The following C10orf67 variants were observed in gnomAD, a reference collection of about 807,000 sequenced individuals.
C10orf67 encodes uncharacterized protein C10orf67, mitochondrial.
A neutral mutation model predicts 35.6 loss-of-function variants in C10orf67; 60 were observed. The observed-to-expected ratio is 1.68, with a 90% confidence interval of 1.37 to 2.09. The LOEUF (loss-of-function observed/expected upper bound fraction) is 2.09. C10orf67 is among the 30% of genes most tolerant of loss of function. The probability of loss-of-function intolerance (pLI) is 0.00; values close to 1 mark genes in which losing one functional copy is unlikely to be tolerated. For missense variants in C10orf67, 474 were observed against 330.2 expected, an observed-to-expected ratio of 1.44 and a Z score of -3.38; for synonymous variants, 167 against 115.8, an observed-to-expected ratio of 1.44 and a Z score of -2.84.
At chr10:23,207,661 C>T (rs1841194372) in intron 15 of C10orf67, among the ~76,000 whole-genome samples, 1 of 152,208 alleles carries the variant, frequency 6.6e-6, no homozygotes, top group Admixed American at 6.5e-5. Context: ...CAGTTGACCA[C>T]AGCTAGCATG....
intron 8 of C10orf67, among the ~76,000 whole-genome samples, chr10:23,273,649 T>C (rs1444791338): frequency 1.3e-5 from 2 of 152,138 alleles, no homozygotes; most frequent in African/African-American, 4.8e-5. Flanking sequence ...ACACAGCCAA[T>C]GTTCCATTGT....
At chr10:23,327,762 T>C (rs1298108642) in intron 2 of C10orf67, among the ~76,000 whole-genome samples, 4 of 150,606 alleles carry the variant, frequency 2.7e-5, no homozygotes, top group African/African-American at 9.8e-5. Context: ...GAGGTGGAGG[T>C]TGCAGTGAGA....
At position 23,295,469 on chromosome 10, in the gene C10orf67, G is replaced by A. The variant is rs967580473; in HGVS notation, c.703-4190C>T. Among the ~76,000 whole-genome samples the A allele has an allele frequency of 7.2e-5, 11 of 152,314 alleles. No homozygotes were observed. The East Asian group carries it at 1.2e-3, about 16-fold the overall frequency. On this transcript the variant is annotated intron_variant, in intron 5 of 15. Transcript: ENST00000636213. ...TTGGTACATTTTATGGAACATAAAC[G>A]GATGGCCATAAGGATTTGTGCATTT...
chr10:23,266,554 T>C (rs1206679439), intron 9 of C10orf67, 128 bp from the exon 10 acceptor site: 2 of 396,028 alleles, frequency 5.1e-6, no homozygotes, highest in African/African-American at 4.1e-5. Context: ...CTAGAGCGCA[T>C]GGATTTGTTC....
intron 4 of C10orf67, among the ~76,000 whole-genome samples, chr10:23,306,056 T>C (rs1157165864): frequency 1.3e-5 from 2 of 152,008 alleles, no homozygotes; most frequent in Admixed American, 6.6e-5. Context: ...TATATATTAA[T>C]ACAATAGAAT....
intron 4 of C10orf67, among the ~76,000 whole-genome samples, chr10:23,306,850 A>G (rs142704467): frequency 3.3e-5 from 5 of 152,308 alleles, no homozygotes. Context: ...TTGAATATAT[A>G]CAATTTATAT....
chr10:23,204,706 A>G (rs949551654), intron 15 of C10orf67, among the ~76,000 whole-genome samples: 4 of 152,226 alleles, frequency 2.6e-5, no homozygotes, highest in Non-Finnish European at 4.4e-5. Flanking sequence ...GAAATAGAAA[A>G]TTATGAATGA....
chr10:23,304,084 G>A (rs376870278), intron 4 of C10orf67, among the ~76,000 whole-genome samples: 14 of 152,226 alleles, frequency 9.2e-5, no homozygotes, highest in African/African-American at 2.9e-4. Context: ...AGTCTCAGCT[G>A]TGGATCCTGA....
At chr10:23,209,548 A>G (rs903511315) in intron 15 of C10orf67, among the ~76,000 whole-genome samples, 21 of 152,218 alleles carry the variant, frequency 1.4e-4, no homozygotes, top group Admixed American at 1.4e-3. Context: ...TTCTCATCAT[A>G]AAAGGAGGAG....
At chr10:23,299,283 T>G (rs1241967871) in intron 5 of C10orf67, among the ~76,000 whole-genome samples, 1 of 152,140 alleles carries the variant, frequency 6.6e-6, no homozygotes, top group Non-Finnish European at 1.5e-5. Context: ...GTCCTTAATC[T>G]TTTGGAGTCC....
intron 1 of C10orf67, among the ~76,000 whole-genome samples, chr10:23,342,683 G>T (rs181100454): frequency 2.0e-5 from 3 of 152,276 alleles, no homozygotes; most frequent in Middle Eastern, 3.4e-3. Context: ...TGTTTATCAC[G>T]TGCTGCCTCT....
rs985270192 is a variant in C10orf67, at chr10:23,203,209, G to A, written c.*964C>T. On this transcript the variant is annotated 3_prime_UTR_variant, in exon 16 of 16. Coordinates refer to ENST00000636213, the MANE Select transcript of C10orf67 (RefSeq NM_001371909.1). ...AGGGCAACACTCCTTTGGAGACAGCGGCATATAGTGCATAGTAGATGAAGC... is the reference window on the plus strand; with the variant it reads ...AGGGCAACACTCCTTTGGAGACAGCAGCATATAGTGCATAGTAGATGAAGC... 3 of 152,188 alleles carry A rather than the reference G, an allele frequency of 2.0e-5. No individual in the cohort carries two copies. The highest frequency in any genetic ancestry group is 6.5e-5 in the Admixed American group (1 of 15,278). The allele number at this position is 152,188 out of a possible 1,614,324, so 9.4% of individuals were successfully genotyped here.
intron 5 of C10orf67, among the ~76,000 whole-genome samples, chr10:23,293,059 A>G (rs953050059): frequency 3.2e-4 from 49 of 152,212 alleles, no homozygotes; most frequent in African/African-American, 9.6e-4. Context: ...AGGCTTAAGC[A>G]TACTTTTCCT....
At position 23,249,579 on chromosome 10, in the gene C10orf67, G is replaced by C. The variant is rs553542586; in HGVS notation, c.1346+876C>G. 2.3e-4 allele frequency among the ~76,000 whole-genome samples: 35 copies of C among 152,268 alleles called. 1 individual carries two copies. In the South Asian group the frequency reaches 6.0e-3, roughly 26 times the overall value. ...CTTGGCATGGATTCTTTGTGCCACCGCACTTAGGATGAATTATTTCCATAG... is the reference window on the plus strand; with the variant it reads ...CTTGGCATGGATTCTTTGTGCCACCCCACTTAGGATGAATTATTTCCATAG... On this transcript the variant is annotated intron_variant, in intron 12 of 15. Transcript: ENST00000636213.
chr10:23,272,417 T>C lies in C10orf67; in HGVS notation c.976-5163A>G, dbSNP rs895597201. 2.0e-5 allele frequency among the ~76,000 whole-genome samples: 3 copies of C among 152,238 alleles called. No individual in the cohort carries two copies. In the East Asian group the frequency reaches 5.8e-4, roughly 29 times the overall value. On this transcript the variant is annotated intron_variant, in intron 8 of 15. Transcript: ENST00000636213. ...TCATTTTTCACTTATTGCTGTCCAA[T>C]TGTTTCAGTACTATTTGTTGAAAAG...
chr10:23,249,151 A>G (rs912159920), intron 12 of C10orf67, among the ~76,000 whole-genome samples: 1 of 149,948 alleles, frequency 6.7e-6, no homozygotes, highest in African/African-American at 2.4e-5. Context: ...AAAAAAAAAA[A>G]AAAAAAAAAG....
chr10:23,231,114 A>AT (rs991494855), intron 13 of C10orf67, among the ~76,000 whole-genome samples: 13 of 150,986 alleles, frequency 8.6e-5, no homozygotes, highest in African/African-American at 1.2e-4. Context: ...TGCCCAGCTG[A>AT]TTTTTTTTTC....
At chr10:23,232,933 G>A (rs1841950591) in intron 13 of C10orf67, among the ~76,000 whole-genome samples, 2 of 152,108 alleles carry the variant, frequency 1.3e-5, no homozygotes, top group South Asian at 4.1e-4. Context: ...GAGGCGGGAG[G>A]ATCACTTGAG....
intron 12 of C10orf67, among the ~76,000 whole-genome samples, chr10:23,241,895 G>GA (rs141870217): frequency 0.033 from 4,963 of 149,604 alleles, 254 homozygotes; most frequent in African/African-American, 0.11. Flanking sequence ...ACCTAGACAT[G>GA]AAAAAAAAGC....
Sources: allele counts gnomAD v4.1 joint callset (sites outside exome capture counted in the v4.1 genomes callset), GRCh38; gene constraint gnomAD v4.1.1; transcripts MANE v1.5; gene names NCBI Gene and HGNC (gene_info 2026-07-23, HGNC 2026-07-21).